MAP7: variants seen among roughly 807,000 people sequenced by gnomAD.
The protein encoded by MAP7 is microtubule associated protein 7.
In MAP7, 52 loss-of-function variants were observed where a neutral mutation model predicts 94.8. The observed-to-expected ratio is 0.55, with a 90% confidence interval of 0.44 to 0.69. MAP7 has a LOEUF of 0.69. MAP7 is among the 30% of genes least tolerant of loss of function. MAP7 has a pLI of 0.00. For missense variants in MAP7, 940 were observed against 964.6 expected, an observed-to-expected ratio of 0.97 and a Z score of 0.34; for synonymous variants, 350 against 357.0, an observed-to-expected ratio of 0.98 and a Z score of 0.22.
intron 1 of MAP7, among the ~76,000 whole-genome samples, chr6:136,456,822 G>GAAGAAGAAGAAGAAGAAGAAGGAA (rs1554259490): frequency 4.3e-5 from 3 of 69,040 alleles, no homozygotes; most frequent in Non-Finnish European, 7.9e-5. Context: ...AGAAGAAGAA[G>GAAGAAGAAGAAGAAGAAGAAGGAA]GAAGAAGAAG....
chr6:136,358,343 T>C (rs1291453137), intron 15 of MAP7, among the ~76,000 whole-genome samples: 2 of 152,212 alleles, frequency 1.3e-5, no homozygotes, highest in Admixed American at 6.5e-5. Context: ...ACAGCTTAAA[T>C]TGATCACTCT....
At position 136,393,978 on chromosome 6, in the gene MAP7, A is replaced by AATTTTTTTTTTTTTTTTTT. The variant is rs1554242697; in HGVS notation, c.245-4462_245-4461insAAAAAAAAAAAAAAAAAAT. On this transcript the variant is annotated intron_variant, in intron 3 of 17. Transcript: ENST00000354570. ...GTTCTGATATCTCTGCAGCAAAGGTATTTTTTTTTTTTTTTTTTTTTTTGA... is the reference window on the plus strand; with the variant it reads ...GTTCTGATATCTCTGCAGCAAAGGTAATTTTTTTTTTTTTTTTTTTTTTTTTTTTTTTTTTTTTTTTTGA... Among the ~76,000 whole-genome samples, 3 of 36,204 alleles carry AATTTTTTTTTTTTTTTTTT rather than the reference A, an allele frequency of 8.3e-5. 1 individual carries two copies. The highest frequency in any genetic ancestry group is 2.1e-4 in the Non-Finnish European group (3 of 13,996). 23.8% of individuals were successfully genotyped at this position (36,204 alleles called of 152,430 possible).
chr6:136,468,492 T>C (rs1383845376), intron 1 of MAP7, among the ~76,000 whole-genome samples: 2 of 152,334 alleles, frequency 1.3e-5, no homozygotes, highest in South Asian at 2.1e-4. Flanking sequence ...AAGCCCATTA[T>C]AAGTTAAAAA....
chr6:136,521,231 T>C (rs1826322267), intron 1 of MAP7, among the ~76,000 whole-genome samples: 1 of 152,110 alleles, frequency 6.6e-6, no homozygotes, highest in Non-Finnish European at 1.5e-5. Flanking sequence ...AGGGGACAAA[T>C]AAACTTAGCT....
chr6:136,439,890 T>C (rs1192655093), intron 1 of MAP7, among the ~76,000 whole-genome samples: 1 of 151,470 alleles, frequency 6.6e-6, no homozygotes. Context: ...ACACAGGGAG[T>C]GGCTGGCTCA....
intron 1 of MAP7, chr6:136,545,222 C>G (rs2129061853): frequency 6.6e-6 from 1 of 152,164 alleles, no homozygotes; most frequent in Non-Finnish European, 1.5e-5. Flanking sequence ...TAGACCTAGC[C>G]CTTCATTGAT....
chr6:136,433,785 G>A (rs1795610650), intron 1 of MAP7, among the ~76,000 whole-genome samples: 1 of 152,148 alleles, frequency 6.6e-6, no homozygotes, highest in African/African-American at 2.4e-5. Flanking sequence ...TCTCTGGATA[G>A]GCAATAAAGT....
rs1488105053 is a variant in MAP7 at position 136,343,807 on chromosome 6, A to G, written c.*421T>C. ...CTCTTCTCCTATTCATTCTACTTGT[A>G]GAACAAAGAGGTACTTATTTTTCAA... On this transcript the variant is annotated 3_prime_UTR_variant, in exon 18 of 18. Transcript: ENST00000354570. 6.6e-6 allele frequency: 1 copy of G among 152,654 alleles called. No individual in the cohort carries two copies. 9.5% of individuals were successfully genotyped at this position (152,654 alleles called of 1,614,324 possible).
intron 10 of MAP7, chr6:136,365,191 C>CCCT (rs1793946525): frequency 6.6e-6 from 1 of 152,164 alleles, no homozygotes; most frequent in Non-Finnish European, 1.5e-5. Flanking sequence ...TGTTCTATGA[C>CCCT]CCTCCTTTCC....
intron 7 of MAP7, among the ~76,000 whole-genome samples, chr6:136,377,486 G>A (rs1423252120): frequency 1.3e-5 from 2 of 152,214 alleles, no homozygotes; most frequent in African/African-American, 2.4e-5. Flanking sequence ...TACTTTCTTC[G>A]GGTAATGTTA....
chr6:136,478,979 C>CAAAAAAAAAAAAAAAAAAAAAAAAAAAA (rs59319740), intron 1 of MAP7, among the ~76,000 whole-genome samples: 4 of 45,556 alleles, frequency 8.8e-5, no homozygotes, highest in Admixed American at 4.4e-4. Context: ...ACAGACACAT[C>CAAAAAAAAAAAAAAAAAAAAAAAAAAAA]AAAAAAAAAA....
intron 2 of MAP7, among the ~76,000 whole-genome samples, chr6:136,417,714 G>A (rs888626292): frequency 3.3e-5 from 5 of 152,122 alleles, no homozygotes; most frequent in African/African-American, 1.2e-4. Context: ...CATAAAACCC[G>A]ATTTCTAACT....
At chr6:136,397,644 C>G (rs920105382) in intron 3 of MAP7, among the ~76,000 whole-genome samples, 1 of 152,022 alleles carries the variant, frequency 6.6e-6, no homozygotes, top group African/African-American at 2.4e-5. Flanking sequence ...GAGGAAATAC[C>G]ATGTGAGGAC....
intron 3 of MAP7, among the ~76,000 whole-genome samples, chr6:136,389,868 T>C (rs1380500391): frequency 3.9e-5 from 6 of 152,314 alleles, no homozygotes; most frequent in Admixed American, 6.5e-5. Flanking sequence ...TTTTTTATTA[T>C]AAAACAATGT....
At chr6:136,414,175 C>G (rs1253864289) in intron 2 of MAP7, among the ~76,000 whole-genome samples, 1 of 137,946 alleles carries the variant, frequency 7.2e-6, no homozygotes, top group Non-Finnish European at 1.5e-5. Flanking sequence ...ATGGCGTGAA[C>G]CCGGGAGGCG....
Position 136,343,874 on chromosome 6 carries a change from G to T in MAP7, c.*354C>A. On this transcript the variant is annotated 3_prime_UTR_variant, in exon 18 of 18. Transcript: ENST00000354570. ...AAAATTTTTTTTGCCAATTTTACAT[G>T]TTAAGCTTTTAAGACCAAAAAAATC... 1 of 167,828 alleles carries T rather than the reference G, an allele frequency of 6.0e-6. No individual in the cohort carries two copies. Among genetic ancestry groups the T allele is most frequent in the Non-Finnish European group, 1.3e-5 (1 of 78,652 alleles). The allele number at this position is 167,828 out of a possible 1,614,324, so 10.4% of individuals were successfully genotyped here.
chr6:136,394,931 C>CATATAA (rs1781887851), intron 3 of MAP7, among the ~76,000 whole-genome samples: 1 of 27,494 alleles, frequency 3.6e-5, no homozygotes, highest in Non-Finnish European at 9.2e-5. Flanking sequence ...AATATTCCAT[C>CATATAA]ATATATATAT....
chr6:136,469,576 G>A (rs1808293553), intron 1 of MAP7, among the ~76,000 whole-genome samples: 1 of 152,024 alleles, frequency 6.6e-6, no homozygotes, highest in African/African-American at 2.4e-5. Flanking sequence ...AAGGGGTTTT[G>A]CCATGTTGCC....
At chr6:136,402,062 A>G (rs1784253066) in intron 3 of MAP7, among the ~76,000 whole-genome samples, 1 of 152,126 alleles carries the variant, frequency 6.6e-6, no homozygotes, top group East Asian at 1.9e-4. Flanking sequence ...TGGCCATAGG[A>G]TCATGCATCT....
Sources: gnomAD v4.1 joint callset for allele counts (sites outside exome capture counted in the v4.1 genomes callset) on GRCh38, gnomAD v4.1.1 for gene constraint, MANE v1.5 for transcripts, NCBI Gene and HGNC (gene_info 2026-07-23, HGNC 2026-07-21) for gene names.